The following GATAD2B variants were observed in gnomAD, a reference collection of about 807,000 sequenced individuals.
GATAD2B encodes the protein transcriptional repressor p66-beta.
In GATAD2B, 8 loss-of-function variants were observed where a neutral mutation model predicts 64.3. That is an observed-to-expected ratio of 0.12 (90% confidence interval 0.07 to 0.22). The LOEUF (loss-of-function observed/expected upper bound fraction) is 0.22, where lower values mean the gene tolerates loss of function less well. Ranked by LOEUF, GATAD2B falls within the 10% of genes least tolerant of loss-of-function variation. The pLI is 1.00. For missense variants in GATAD2B, 453 were observed against 752.0 expected (o/e 0.60, Z 4.65); for synonymous variants, 281 against 271.3 (o/e 1.04, Z -0.35).
intron 1 of GATAD2B, among the ~76,000 whole-genome samples, chr1:153,887,168 A>C (rs1033034930): frequency 2.6e-5 from 4 of 152,222 alleles, no homozygotes; most frequent in African/African-American, 7.2e-5. Flanking sequence ...TCAACTGGTC[A>C]AAAGAAAACA....
chr1:153,920,611 C>T (rs868580405), intron 1 of GATAD2B, among the ~76,000 whole-genome samples: 1 of 152,194 alleles, frequency 6.6e-6, no homozygotes, highest in African/African-American at 2.4e-5. Flanking sequence ...ACATCACATA[C>T]GGTCAGGGAA....
intron 1 of GATAD2B, among the ~76,000 whole-genome samples, chr1:153,843,824 A>AAC (rs2101903865): frequency 6.6e-6 from 1 of 151,902 alleles, no homozygotes; most frequent in Non-Finnish European, 1.5e-5. Flanking sequence ...CAAAAAAAAA[A>AAC]AAAAAAAACC....
chr1:153,893,566 C>T (rs1677485855), intron 1 of GATAD2B, among the ~76,000 whole-genome samples: 2 of 151,250 alleles, frequency 1.3e-5, no homozygotes, highest in African/African-American at 4.9e-5. Context: ...GCCGAGATCA[C>T]AACACTGCAC....
At chr1:153,833,641 C>A (rs1557792315) in intron 1 of GATAD2B, among the ~76,000 whole-genome samples, 1 of 151,760 alleles carries the variant, frequency 6.6e-6, no homozygotes, top group African/African-American at 2.4e-5. Context: ...ATGGTGAAAC[C>A]CCGTCTCTAC....
At chr1:153,888,049 T>G (rs753934162) in intron 1 of GATAD2B, among the ~76,000 whole-genome samples, 1 of 150,732 alleles carries the variant, frequency 6.6e-6, no homozygotes, top group Admixed American at 6.6e-5. Context: ...ATCGCGCCAC[T>G]GCACTCCAGC....
intron 1 of GATAD2B, among the ~76,000 whole-genome samples, chr1:153,837,373 C>CAA (rs148053086): frequency 2.2e-4 from 14 of 63,718 alleles, no homozygotes; most frequent in African/African-American, 4.4e-4. Flanking sequence ...AAAAACAAAA[C>CAA]AAACAAAAAA....
chr1:153,852,259 A>T, intron 1 of GATAD2B: 1 of 1,231,770 alleles, frequency 8.1e-7, no homozygotes, highest in Admixed American at 1.8e-5. Context: ...AAGTCATCTA[A>T]AGATTCCTTC....
Position 153,810,299 on chromosome 1 carries a change from C to T in GATAD2B, c.1660G>A (p.Ala554Thr), listed in dbSNP as rs1674249445. 6.2e-7 allele frequency: 1 copy of T among 1,612,714 alleles called. No individual in the cohort carries two copies. Among genetic ancestry groups the T allele is most frequent in the Admixed American group, 1.7e-5 (1 of 59,734 alleles). The change falls in exon 11 of 11, where the codon GCA (alanine) becomes ACA (threonine). Residue 554 changes from alanine (A) to threonine (T), a missense_variant. Ala to Thr is a moderately conservative substitution (Grantham distance 58). Transcript: ENST00000368655. ...GLLGMPGVNI[A>T]YLNTGIGGHK... Reference sequence around the variant, plus strand: ...CCTCCGATGCCAGTATTCAAGTATGCAATGTTGACACCTGGACCCAGGAGA... The same window carrying T: ...CCTCCGATGCCAGTATTCAAGTATGTAATGTTGACACCTGGACCCAGGAGA...
intron 1 of GATAD2B, among the ~76,000 whole-genome samples, chr1:153,842,542 TAA>T (rs1557797876): frequency 1.3e-4 from 7 of 55,024 alleles, no homozygotes; most frequent in Admixed American, 9.1e-4. Context: ...ATGTAATCAT[TAA>T]TAATATATAG....
chr1:153,869,413 C>T (rs1676588726), intron 1 of GATAD2B, among the ~76,000 whole-genome samples: 1 of 151,982 alleles, frequency 6.6e-6, no homozygotes, highest in Non-Finnish European at 1.5e-5. Context: ...TTTTCTTTCC[C>T]ATATTTATTT....
intron 1 of GATAD2B, among the ~76,000 whole-genome samples, chr1:153,895,434 A>C (rs2101954499): frequency 1.3e-5 from 2 of 150,360 alleles, no homozygotes; most frequent in South Asian, 4.2e-4. Flanking sequence ...TACAGAACCA[A>C]CCAGTCGTGG....
chr1:153,864,201 T>C (rs1294069225), intron 1 of GATAD2B, among the ~76,000 whole-genome samples: 3 of 152,052 alleles, frequency 2.0e-5, no homozygotes, highest in African/African-American at 2.4e-5. Context: ...CTGAGGACAG[T>C]TGGGAGAAAG....
intron 2 of GATAD2B, among the ~76,000 whole-genome samples, chr1:153,826,614 G>A (rs1479496348): frequency 6.6e-6 from 1 of 151,508 alleles, no homozygotes; most frequent in Admixed American, 6.6e-5. Context: ...TGGGCAAAAA[G>A]AGTGAAACTC....
chr1:153,854,260 G>T (rs1311172663), intron 1 of GATAD2B, among the ~76,000 whole-genome samples: 1 of 152,032 alleles, frequency 6.6e-6, no homozygotes, highest in Non-Finnish European at 1.5e-5. Flanking sequence ...AAAATTAGCT[G>T]GGCTTGGTGG....
intron 1 of GATAD2B, among the ~76,000 whole-genome samples, chr1:153,911,359 G>C (rs1272163083): frequency 6.6e-6 from 1 of 152,092 alleles, no homozygotes; most frequent in Non-Finnish European, 1.5e-5. Context: ...ACAAAAGAAA[G>C]AGCTAATGTG....
Position 153,854,205 on chromosome 1 carries a change from G to A in GATAD2B, c.-1-25857C>T, listed in dbSNP as rs529187380. Among the ~76,000 whole-genome samples, 119 of 152,054 alleles carry A rather than the reference G, an allele frequency of 7.8e-4. 2 individuals carry two copies. Among genetic ancestry groups the A allele is most frequent in the Admixed American group, 6.8e-3 (103 of 15,238 alleles). The stretch of plus-strand genomic sequence containing the variant: ...ATCGTGAGGTCAGGAGATCGAGACC[G>A]TCCTGGCTAACATGGTAAAACCCCG... On this transcript the variant is annotated intron_variant, in intron 1 of 10. Coordinates refer to ENST00000368655, the MANE Select transcript of GATAD2B (RefSeq NM_020699.4).
intron 2 of GATAD2B, among the ~76,000 whole-genome samples, chr1:153,827,173 A>C (rs1674912546): frequency 6.6e-6 from 1 of 150,392 alleles, no homozygotes; most frequent in Non-Finnish European, 1.5e-5. Context: ...TTGAGGGGGG[A>C]AGATCGCTTG....
At position 153,817,406 on chromosome 1, in the gene GATAD2B, G is replaced by A. The variant is rs1051884964; in HGVS notation, c.866C>T (p.Thr289Ile). The A allele has an allele frequency of 6.3e-7, 1 of 1,599,978 alleles. No individual in the cohort carries two copies. Among genetic ancestry groups the A allele is most frequent in the Non-Finnish European group, 8.5e-7 (1 of 1,174,706 alleles). The change falls in exon 6 of 11, where the codon ACA (threonine) becomes ATA (isoleucine). Residue 289 changes from threonine (T) to isoleucine (I), a missense_variant. This residue lies in a region of GATAD2B where 293 missense variants were observed against 417.2 expected (regional missense o/e 0.70). Transcript: ENST00000368655. Reference sequence around the variant, plus strand: ...ATTGATGGCGGGATTCATGTTGGGTGTTGTGGTGCGTACAAGGCCAGGCTT... The same window carrying A: ...ATTGATGGCGGGATTCATGTTGGGTATTGTGGTGCGTACAAGGCCAGGCTT... ...PPKPGLVRTT[T>I]PNMNPAINYQ...
Position 153,819,728 on chromosome 1 carries a change from C to T in GATAD2B, c.343G>A (p.Glu115Lys), listed in dbSNP as rs202246304. The change falls in exon 3 of 11, where the codon GAG becomes AAG. Residue 115 changes from glutamate to lysine, a missense_variant. Transcript: ENST00000368655. ...VDMSARRSEP[E>K]RGRLTPSPDI... The stretch of plus-strand genomic sequence containing the variant: ...GGTGAGGGAGTTAGCCTTCCTCGCT[C>T]TGGCTCACTAGACAAGAAAGGGAAA... The T allele has an allele frequency of 6.3e-7, 1 of 1,598,794 alleles. No homozygotes were observed. The highest frequency in any genetic ancestry group is 8.5e-7 in the Non-Finnish European group (1 of 1,174,624).
Sources: gnomAD v4.1 joint callset for allele counts (sites outside exome capture counted in the v4.1 genomes callset) on GRCh38, gnomAD v4.1.1 for gene constraint, gnomAD v4.1.1 regional missense constraint, MANE v1.5 for transcripts, NCBI Gene and HGNC (gene_info 2026-07-23, HGNC 2026-07-21) for gene names.